The following LRRC7 variants were observed in gnomAD, a reference collection of about 807,000 sequenced individuals.
LRRC7 encodes leucine rich repeat containing 7.
Under a neutral mutation model 175.7 loss-of-function variants are expected in LRRC7, and 23 were observed. That is an observed-to-expected ratio of 0.13 (90% confidence interval 0.09 to 0.19). The LOEUF (loss-of-function observed/expected upper bound fraction) is 0.19, where lower values mean the gene tolerates loss of function less well. Ranked by LOEUF, LRRC7 falls within the 10% of genes least tolerant of loss-of-function variation. The pLI, the probability that LRRC7 is intolerant of heterozygous loss-of-function variation, is 1.00. For synonymous variants in LRRC7, 685 were observed against 680.9 expected (o/e 1.01, Z -0.09); for missense variants, 1,354 against 1,904.7 (o/e 0.71, Z 5.38).
Position 70,012,895 on chromosome 1 carries a change from G to A in LRRC7, c.1135-79G>A, listed in dbSNP as rs1193377987. 1.2e-5 allele frequency: 8 copies of A among 680,956 alleles called. No individual in the cohort carries two copies. In the East Asian group the frequency reaches 2.6e-4, roughly 22 times the overall value. The allele number at this position is 680,956 out of a possible 1,614,324, so 42.2% of individuals were successfully genotyped here. The stretch of plus-strand genomic sequence containing the variant: ...TAAAAATAAGAAAATCTACTAAATT[G>A]TTTTAAAAATTAGAAAAATTAATAT... On this transcript the variant is annotated intron_variant, in intron 12 of 26. Coordinates refer to ENST00000651989, the MANE Select transcript of LRRC7 (RefSeq NM_001370785.2).
intron 8 of LRRC7, among the ~76,000 whole-genome samples, chr1:69,951,500 G>C (rs1188382120): frequency 6.6e-6 from 1 of 151,986 alleles, no homozygotes; most frequent in Non-Finnish European, 1.5e-5. Flanking sequence ...AATGTTCATT[G>C]CAGCGCAGTT....
chr1:69,934,694 C>T (rs1647804026), intron 8 of LRRC7, among the ~76,000 whole-genome samples: 1 of 151,978 alleles, frequency 6.6e-6, no homozygotes, highest in Non-Finnish European at 1.5e-5. Context: ...CTCTCATTTT[C>T]TTTAATGAAG....
At position 70,129,736 on chromosome 1, in the gene LRRC7, C is replaced by T. The variant is rs867391469; in HGVS notation, c.*7849C>T. On this transcript the variant is annotated 3_prime_UTR_variant, in exon 27 of 27. Transcript: ENST00000651989. ...TTGGGTGGAGAACATTTTCACTACA[C>T]GCTGCTCAAGTGATCCCCTGAAAAT... Among the ~76,000 whole-genome samples, 1 of 152,176 alleles carries T rather than the reference C, an allele frequency of 6.6e-6. No individual in the cohort carries two copies. Among genetic ancestry groups the T allele is most frequent in the African/African-American group, 2.4e-5 (1 of 41,432 alleles).
intron 22 of LRRC7, among the ~76,000 whole-genome samples, chr1:70,045,113 T>C (rs565535268): frequency 2.6e-5 from 4 of 151,914 alleles, no homozygotes; most frequent in Admixed American, 6.6e-5. Flanking sequence ...ATACTGTGAG[T>C]AGAATAACAA....
chr1:70,086,750 A>G, intron 24 of LRRC7, among the ~76,000 whole-genome samples: 1 of 152,204 alleles, frequency 6.6e-6, no homozygotes, highest in African/African-American at 2.4e-5. Flanking sequence ...AAAATAAAAA[A>G]TAAATTAAAA....
At chr1:69,773,055 G>A (rs1672419988) in intron 3 of LRRC7, among the ~76,000 whole-genome samples, 1 of 152,164 alleles carries the variant, frequency 6.6e-6, no homozygotes, top group South Asian at 2.1e-4. Flanking sequence ...TACTTAAAAT[G>A]TTTTGTTGTT....
intron 1 of LRRC7, among the ~76,000 whole-genome samples, chr1:69,597,786 A>G (rs924647735): frequency 1.3e-5 from 2 of 152,206 alleles, no homozygotes; most frequent in African/African-American, 4.8e-5. Context: ...ATTTACGTGT[A>G]ACTTCAAAAT....
At chr1:69,658,647 G>A (rs907192659) in intron 1 of LRRC7, among the ~76,000 whole-genome samples, 11 of 152,020 alleles carry the variant, frequency 7.2e-5, no homozygotes, top group African/African-American at 2.7e-4. Flanking sequence ...AAAGACAAAT[G>A]TCCAGAAAAG....
intron 5 of LRRC7, among the ~76,000 whole-genome samples, chr1:69,827,318 A>T (rs895379474): frequency 6.6e-6 from 1 of 152,138 alleles, no homozygotes; most frequent in Non-Finnish European, 1.5e-5. Context: ...TGGGAGTGGC[A>T]GCCAGATTAG....
At chr1:70,057,257 A>G (rs1175622661) in intron 23 of LRRC7, among the ~76,000 whole-genome samples, 3 of 152,170 alleles carry the variant, frequency 2.0e-5, no homozygotes, top group Non-Finnish European at 4.4e-5. Context: ...TTTGTTATAT[A>G]TTATATATTA....
intron 5 of LRRC7, among the ~76,000 whole-genome samples, chr1:69,829,969 C>T (rs1680344217): frequency 6.6e-6 from 1 of 151,638 alleles, no homozygotes; most frequent in Admixed American, 6.6e-5. Flanking sequence ...ATAAATAACT[C>T]CTCAATGGGA....
chr1:69,932,467 G>A (rs1647485426), intron 8 of LRRC7, among the ~76,000 whole-genome samples: 2 of 152,086 alleles, frequency 1.3e-5, no homozygotes, highest in Non-Finnish European at 2.9e-5. Context: ...ACAGGACCTA[G>A]CAAAATTTAT....
At chr1:69,963,729 A>G (rs1433393806) in intron 8 of LRRC7, among the ~76,000 whole-genome samples, 2 of 152,308 alleles carry the variant, frequency 1.3e-5, no homozygotes, top group South Asian at 2.1e-4. Flanking sequence ...CGAAGTCACC[A>G]AAGTTTGCGG....
At chr1:69,662,546 G>T (rs528739042) in intron 1 of LRRC7, among the ~76,000 whole-genome samples, 1 of 152,250 alleles carries the variant, frequency 6.6e-6, no homozygotes, top group East Asian at 1.9e-4. Flanking sequence ...TTTCCAACTG[G>T]ACAGCACTTC....
intron 22 of LRRC7, among the ~76,000 whole-genome samples, chr1:70,049,344 C>G (rs975213389): frequency 6.6e-6 from 1 of 152,034 alleles, no homozygotes; most frequent in African/African-American, 2.4e-5. Flanking sequence ...GCAAATGACT[C>G]AGTATCAGAT....
intron 2 of LRRC7, among the ~76,000 whole-genome samples, chr1:69,705,472 C>T (rs1420078061): frequency 6.6e-6 from 1 of 152,094 alleles, no homozygotes; most frequent in Non-Finnish European, 1.5e-5. Context: ...CTAAATTAAA[C>T]ATTTTCTTTG....
intron 7 of LRRC7, chr1:69,919,512 C>T (rs1366609862): frequency 1.5e-5 from 12 of 827,272 alleles, no homozygotes; most frequent in South Asian, 1.5e-5. Context: ...AGGGGGAGCC[C>T]GCCAGGGTCC....
chr1:69,882,622 T>C (rs1686737598), intron 7 of LRRC7, among the ~76,000 whole-genome samples: 1 of 152,064 alleles, frequency 6.6e-6, no homozygotes, highest in Non-Finnish European at 1.5e-5. Flanking sequence ...TTTTTTTTTT[T>C]TTTAATTATA....
chr1:69,738,873 G>C (rs1008763316), intron 2 of LRRC7, among the ~76,000 whole-genome samples: 1 of 152,024 alleles, frequency 6.6e-6, no homozygotes, highest in African/African-American at 2.4e-5. Flanking sequence ...ATAGGCAGGA[G>C]AAAGTTCTTG....
Sources: allele counts gnomAD v4.1 joint callset (sites outside exome capture counted in the v4.1 genomes callset), GRCh38; gene constraint gnomAD v4.1.1; transcripts MANE v1.5; gene names NCBI Gene and HGNC (gene_info 2026-07-23, HGNC 2026-07-21).